The following FER variants were observed in gnomAD, a reference collection of about 807,000 sequenced individuals.
FER encodes the protein tyrosine-protein kinase Fer.
Under a neutral mutation model 111.0 loss-of-function variants are expected in FER, and 63 were observed. The ratio of observed to expected loss-of-function variants is 0.57; its 90% CI spans 0.46 to 0.70. FER has a LOEUF of 0.70. Ranked by LOEUF, FER falls within the 30% of genes least tolerant of loss-of-function variation. The pLI, the probability that FER is intolerant of heterozygous loss-of-function variation, is 0.00. For missense variants in FER, 914 were observed against 954.0 expected, an observed-to-expected ratio of 0.96 and a Z score of 0.55; for synonymous variants, 327 against 313.9, an observed-to-expected ratio of 1.04 and a Z score of -0.44.
At chr5:108,895,416 G>A (rs543730243) in intron 9 of FER, among the ~76,000 whole-genome samples, 11 of 152,170 alleles carry the variant, frequency 7.2e-5, no homozygotes, top group African/African-American at 2.6e-4. Flanking sequence ...AGTTTTACTG[G>A]CCTAAAACTA....
intron 8 of FER, among the ~76,000 whole-genome samples, chr5:108,872,694 T>C (rs1424678393): frequency 6.6e-5 from 10 of 152,184 alleles, no homozygotes; most frequent in Non-Finnish European, 1.0e-4. Context: ...TTTGTTGTTT[T>C]TGTTGTGTAA....
rs116198240 is a variant in FER, at chr5:108,931,421, A to G, written c.1237-14709A>G. 1.7e-3 allele frequency among the ~76,000 whole-genome samples: 264 copies of G among 152,244 alleles called. 1 individual carries two copies. Among genetic ancestry groups the G allele is most frequent in the African/African-American group, 6.0e-3 (248 of 41,550 alleles). Reference sequence around the variant, plus strand: ...TGTCACTGAACGAAGGATTTCTGAAATGTAGATCCAAACTTTCCTGTGTTT... The same window carrying G: ...TGTCACTGAACGAAGGATTTCTGAAGTGTAGATCCAAACTTTCCTGTGTTT... On this transcript the variant is annotated intron_variant, in intron 10 of 19. Transcript: ENST00000281092.
intron 10 of FER, among the ~76,000 whole-genome samples, chr5:108,927,539 G>A (rs1467010948): frequency 2.0e-5 from 3 of 152,074 alleles, no homozygotes; most frequent in Non-Finnish European, 2.9e-5. Flanking sequence ...GATTACAGGC[G>A]TGAGCCATCG....
rs1185892401 is a variant in FER at position 109,193,775 on chromosome 5, G to A, written c.*6200G>A. On this transcript the variant is annotated 3_prime_UTR_variant, in exon 20 of 20. Coordinates refer to ENST00000281092, the MANE Select transcript of FER (RefSeq NM_005246.4). Reference sequence around the variant, plus strand: ...AAAGCCTTTATCATCAGCTTATATTGAATAATGTTGTAATTGGTTTCAATC... The same window carrying A: ...AAAGCCTTTATCATCAGCTTATATTAAATAATGTTGTAATTGGTTTCAATC... The A allele has an allele frequency of 1.3e-5, 2 of 151,980 alleles. No homozygotes were observed. The highest frequency in any genetic ancestry group is 1.5e-5 in the Non-Finnish European group (1 of 68,000). 9.4% of individuals were successfully genotyped at this position (151,980 alleles called of 1,614,324 possible). A position where few individuals can be genotyped will look rare whatever the true frequency, so the allele number is the denominator to read the frequency against.
intron 16 of FER, among the ~76,000 whole-genome samples, chr5:109,084,921 G>C (rs1327618196): frequency 6.6e-6 from 1 of 151,780 alleles, no homozygotes; most frequent in Non-Finnish European, 1.5e-5. Context: ...TCTGGACTTT[G>C]TCTGTTCCAT....
intron 3 of FER, among the ~76,000 whole-genome samples, chr5:108,822,637 C>T (rs911606785): frequency 1.3e-3 from 198 of 152,162 alleles, no homozygotes; most frequent in African/African-American, 4.2e-3. Context: ...TAGTAGCAGC[C>T]CTCATGACCC....
chr5:109,114,820 A>G (rs1042675008), intron 17 of FER, among the ~76,000 whole-genome samples: 5 of 152,038 alleles, frequency 3.3e-5, no homozygotes, highest in South Asian at 2.1e-4. Context: ...CTGTGATTCA[A>G]ATCATTTCCA....
chr5:108,938,006 T>C (rs1374338189), intron 10 of FER, among the ~76,000 whole-genome samples: 1 of 144,108 alleles, frequency 6.9e-6, no homozygotes, highest in Non-Finnish European at 1.5e-5. Flanking sequence ...TCTTCCCTCC[T>C]TTTTTTCCCT....
chr5:108,797,900 C>T (rs766374879), intron 2 of FER, among the ~76,000 whole-genome samples: 4 of 152,130 alleles, frequency 2.6e-5, no homozygotes, highest in Admixed American at 6.5e-5. Flanking sequence ...GATCTGAATG[C>T]CCCTTTTATT....
At chr5:108,919,208 C>T (rs899541797) in intron 10 of FER, among the ~76,000 whole-genome samples, 2 of 149,604 alleles carry the variant, frequency 1.3e-5, no homozygotes, top group African/African-American at 2.5e-5. Context: ...CTTACTATTT[C>T]TGCTTGTTTT....
rs553619484 is a variant in FER at position 109,021,214 on chromosome 5, T to C, written c.1657-16208T>C. Among the ~76,000 whole-genome samples, 3 of 152,136 alleles carry C rather than the reference T, an allele frequency of 2.0e-5. No individual in the cohort carries two copies. In the South Asian group the frequency reaches 6.2e-4, roughly 32 times the overall value. On this transcript the variant is annotated intron_variant, in intron 13 of 19. Transcript: ENST00000281092. ...TACCATTTTAATTAATAAATTTAGATTTTAGCCGGTGTGCTTACTAACGGT... is the reference window on the plus strand; with the variant it reads ...TACCATTTTAATTAATAAATTTAGACTTTAGCCGGTGTGCTTACTAACGGT...
At chr5:109,028,935 A>G (rs1769173839) in intron 13 of FER, among the ~76,000 whole-genome samples, 1 of 152,194 alleles carries the variant, frequency 6.6e-6, no homozygotes, top group Non-Finnish European at 1.5e-5. Flanking sequence ...ACCCCAAACC[A>G]GGCACCATGT....
intron 5 of FER, among the ~76,000 whole-genome samples, chr5:108,861,759 G>T (rs1763544210): frequency 6.6e-6 from 1 of 152,014 alleles, no homozygotes; most frequent in South Asian, 2.1e-4. Context: ...GTTATTTTTT[G>T]CAATAATTTT....
At chr5:108,947,696 A>G (rs1376858046) in intron 11 of FER, among the ~76,000 whole-genome samples, 2 of 151,466 alleles carry the variant, frequency 1.3e-5, no homozygotes, top group African/African-American at 4.8e-5. Context: ...ATGAAGAGCA[A>G]TTTATTTTTT....
At chr5:109,024,316 A>G (rs939466790) in intron 13 of FER, among the ~76,000 whole-genome samples, 4 of 152,168 alleles carry the variant, frequency 2.6e-5, no homozygotes, top group Non-Finnish European at 4.4e-5. Context: ...GCCCAACAAA[A>G]TGACACCACT....
chr5:108,944,961 C>G (rs752391482), intron 10 of FER, among the ~76,000 whole-genome samples: 19 of 151,402 alleles, frequency 1.3e-4, no homozygotes, highest in Non-Finnish European at 2.4e-4. Context: ...CTGGACCTCT[C>G]CATTAGATAA....
At chr5:108,898,576 T>TTCCCC (rs1179028358) in intron 10 of FER, among the ~76,000 whole-genome samples, 1 of 102,376 alleles carries the variant, frequency 9.8e-6, no homozygotes, top group East Asian at 3.6e-4. Context: ...CTTCCCTCCC[T>TTCCCC]TCCCCTCCCC....
At chr5:109,051,777 G>C (rs1470781611) in intron 16 of FER, 1 of 1,582,776 alleles carries the variant, frequency 6.3e-7, no homozygotes, top group Non-Finnish European at 8.7e-7. Flanking sequence ...AAACGTAGAA[G>C]AGTTCAATGA....
chr5:109,019,989 G>A (rs1234570338), intron 13 of FER, among the ~76,000 whole-genome samples: 1 of 151,820 alleles, frequency 6.6e-6, no homozygotes, highest in African/African-American at 2.4e-5. Context: ...TTTACTTCAA[G>A]GTAACTTTTA....
Sources: allele counts gnomAD v4.1 joint callset (sites outside exome capture counted in the v4.1 genomes callset), GRCh38; gene constraint gnomAD v4.1.1; transcripts MANE v1.5; gene names NCBI Gene and HGNC (gene_info 2026-07-23, HGNC 2026-07-21).